The following TARS2 variants were observed in gnomAD, a reference collection of about 807,000 sequenced individuals.
TARS2 encodes the protein threonyl-tRNA synthetase 2, mitochondrial, also known as threonine--tRNA ligase, mitochondrial.
Under a neutral mutation model 94.4 loss-of-function variants are expected in TARS2, and 61 were observed. The ratio of observed to expected loss-of-function variants is 0.65; its 90% CI spans 0.53 to 0.80. The LOEUF (loss-of-function observed/expected upper bound fraction) is 0.80, where lower values mean the gene tolerates loss of function less well. Ranked by LOEUF, TARS2 falls within the 30% of genes least tolerant of loss-of-function variation. TARS2 has a pLI of 0.00. For missense variants in TARS2, 704 were observed against 902.5 expected (o/e 0.78, Z 2.82); for synonymous variants, 359 against 353.4 (o/e 1.02, Z -0.18).
At chr1:150,492,655 C>T (rs1196592065) in intron 7 of TARS2, among the ~76,000 whole-genome samples, 166 bp downstream of exon 7, 1 of 151,414 alleles carries the variant, frequency 6.6e-6, no homozygotes, top group Non-Finnish European at 1.5e-5. Context: ...ACTAAAAATA[C>T]AAAAATTAGC....
rs969258498 is a variant in TARS2 at position 150,499,313 on chromosome 1, T to A, written c.1617+20T>A. The A allele has an allele frequency of 6.2e-7, 1 of 1,606,046 alleles. No homozygotes were observed. Among genetic ancestry groups the A allele is most frequent in the African/African-American group, 1.3e-5 (1 of 74,174 alleles). The stretch of plus-strand genomic sequence containing the variant: ...CCTAAGGTAAGCTTGGGACCCTGGT[T>A]AGTGTTGTATTTATTTATTTTTTGC... On this transcript the variant is annotated intron_variant, in intron 13 of 17. Coordinates refer to ENST00000369064, the MANE Select transcript of TARS2 (RefSeq NM_025150.5).
intron 13 of TARS2, among the ~76,000 whole-genome samples, chr1:150,503,532 A>G (rs192763469): frequency 8.2e-4 from 122 of 149,690 alleles, no homozygotes; most frequent in Non-Finnish European, 1.2e-3. Context: ...TACTGAAAAA[A>G]AAAAATACAC....
chr1:150,501,331 T>A lies in TARS2; in HGVS notation c.1617+2038T>A, dbSNP rs1313043699. 4.6e-5 allele frequency among the ~76,000 whole-genome samples: 5 copies of A among 107,558 alleles called. No homozygotes were observed. In the East Asian group the frequency reaches 1.2e-3, roughly 25 times the overall value. 70.6% of individuals were successfully genotyped at this position (107,558 alleles called of 152,430 possible). A position where few individuals can be genotyped will look rare whatever the true frequency, so the allele number is the denominator to read the frequency against. The stretch of plus-strand genomic sequence containing the variant: ...TTTTTTTTTTTTTTTTTTTTTTTTT[T>A]TATTGAGACTATGTCTCGCTCTGCT... On this transcript the variant is annotated intron_variant, in intron 13 of 17. Transcript: ENST00000369064.
At position 150,496,861 on chromosome 1, in the gene TARS2, C is replaced by T; in HGVS notation, c.973C>T (p.Leu325=). ...ACTGAGCCCTGGGAGCTGCTTCTTC[C>T]TGCCACGAGGGACAAGGGTGTATAA... is the stretch of plus-strand genomic sequence containing the variant. ...HELSPGSCFF[L]PRGTRVYNAL... Residue 325 remains leucine (L), a synonymous_variant, in exon 9 of 18, where the codon CTG becomes TTG. Transcript: ENST00000369064. The T allele has an allele frequency of 1.2e-6, 2 of 1,614,116 alleles. No homozygotes were observed.
rs587625289 is a variant in TARS2, at chr1:150,497,862, C to T, written c.1238+115C>T. ...ATCCCAACACTTTGGGAGGCCGAGG[C>T]GGGCGGATCACCTGAGGTCGGGAGT... On this transcript the variant is annotated intron_variant, in intron 10 of 17. Coordinates refer to ENST00000369064, the MANE Select transcript of TARS2 (RefSeq NM_025150.5). The T allele has an allele frequency of 6.1e-4, 649 of 1,072,098 alleles. 7 individuals are homozygous for T. The East Asian group carries it at 0.016, about 27-fold the overall frequency. The allele number at this position is 1,072,098 out of a possible 1,614,324, so 66.4% of individuals were successfully genotyped here. A position where few individuals can be genotyped will look rare whatever the true frequency, so the allele number is the denominator to read the frequency against.
At chr1:150,492,533 C>G in intron 7 of TARS2, 44 bp downstream of exon 7, 1 of 1,599,044 alleles carries the variant, frequency 6.3e-7, no homozygotes, top group Non-Finnish European at 8.6e-7. Flanking sequence ...TATTTTGAGC[C>G]GGGCATGGTG....
intron 3 of TARS2, among the ~76,000 whole-genome samples, chr1:150,490,322 T>G (rs1669326506): frequency 6.6e-6 from 1 of 151,986 alleles, no homozygotes; most frequent in Non-Finnish European, 1.5e-5. Flanking sequence ...TTTCACCATG[T>G]TGGCCAGACT....
rs1200899750 is a variant in TARS2, at chr1:150,492,358, A to C, written c.696-53A>C. On this transcript the variant is annotated intron_variant, in intron 6 of 17. Transcript: ENST00000369064. Reference sequence around the variant, plus strand: ...CAGCTAAAGACCATGAGAGGGAGAAAGCTAGAAGCTGAAGATTCTGAAAAT... The same window carrying C: ...CAGCTAAAGACCATGAGAGGGAGAACGCTAGAAGCTGAAGATTCTGAAAAT... The C allele has an allele frequency of 1.3e-5, 20 of 1,572,258 alleles. No homozygotes were observed. In the South Asian group the frequency reaches 1.3e-4, roughly 10 times the overall value.
chr1:150,490,783 AG>A, intron 4 of TARS2, 58 bp downstream of exon 4: 1 of 1,609,242 alleles, frequency 6.2e-7, no homozygotes, highest in South Asian at 1.1e-5. Context: ...GGCTCTTTTC[AG>A]GGGCCTTGGG....
chr1:150,503,609 G>GTA (rs748011030), intron 13 of TARS2, among the ~76,000 whole-genome samples: 14 of 131,326 alleles, frequency 1.1e-4, no homozygotes, highest in African/African-American at 1.6e-4. Flanking sequence ...GTGTATGTGT[G>GTA]TATATATATG....
At chr1:150,505,525 A>G (rs1670162639) in intron 16 of TARS2, 66 bp from the exon 17 acceptor site, 9 of 1,393,894 alleles carry the variant, frequency 6.5e-6, no homozygotes, top group Non-Finnish European at 8.2e-6. Flanking sequence ...GGAAAAGAGC[A>G]TCAGACTGTT....
intron 3 of TARS2, chr1:150,489,366 T>G: frequency 4.9e-6 from 2 of 410,754 alleles, no homozygotes; most frequent in South Asian, 4.2e-5. Flanking sequence ...CCCTCAACTC[T>G]TGAGCACGTA....
rs1271879212 is a variant in TARS2, at chr1:150,488,026, A to G, written c.235A>G (p.Thr79Ala). The G allele has an allele frequency of 1.9e-6, 3 of 1,613,600 alleles. No individual in the cohort carries two copies. Among genetic ancestry groups the G allele is most frequent in the Non-Finnish European group, 2.5e-6 (3 of 1,179,930 alleles). ...AATTGATGCTGTGGCATGGAACACA[A>G]CCCCCTACCAACTAGCCCGGCAGAT... is the stretch of plus-strand genomic sequence containing the variant. ...QKIDAVAWNT[T>A]PYQLARQISS... Residue 79 changes from threonine to alanine, a missense_variant, in exon 2 of 18, where the codon ACC becomes GCC. By Grantham distance (58) the Thr-to-Ala change is moderately conservative (BLOSUM62 0). This residue lies in a region of TARS2 where 208 missense variants were observed against 228.5 expected (regional missense o/e 0.91). Transcript: ENST00000369064.
Position 150,491,413 on chromosome 1 carries a change from C to T in TARS2, c.532C>T (p.Leu178=), listed in dbSNP as rs760883698. ...GKERTIRGSE[L]PVLERICQEL... is the part of the protein sequence containing the mutation. ...TTCCAGGACAATCCGGGGCTCAGAG[C>T]TGCCTGTTTTGGAGCGGATTTGCCA... The change falls in exon 5 of 18, where the codon CTG becomes TTG. Residue 178 remains leucine, a synonymous_variant. Transcript: ENST00000369064. The T allele has an allele frequency of 6.2e-7, 1 of 1,613,158 alleles. No homozygotes were observed. The highest frequency in any genetic ancestry group is 1.1e-5 in the South Asian group (1 of 91,034).
intron 3 of TARS2, 50 bp from the exon 4 acceptor site, chr1:150,490,551 G>T (rs930382887): frequency 1.9e-6 from 3 of 1,596,290 alleles, no homozygotes; most frequent in Non-Finnish European, 2.6e-6. Flanking sequence ...GAGATCTAGG[G>T]GTTAAGGGAG....
chr1:150,497,513 T>C lies in TARS2; in HGVS notation c.1021-17T>C, dbSNP rs751018732. 1.2e-6 allele frequency: 2 copies of C among 1,612,664 alleles called. No individual in the cohort carries two copies. The highest frequency in any genetic ancestry group is 1.8e-4 in the Middle Eastern group (1 of 5,512). On this transcript the variant is annotated splice_polypyrimidine_tract_variant and intron_variant, in intron 9 of 17. Transcript: ENST00000369064. ...TCCAGTTACTCTGACCTTCCATGTCTGTACCCTCCTCTCCAGGCTGAGTAT... is the reference window on the plus strand; with the variant it reads ...TCCAGTTACTCTGACCTTCCATGTCCGTACCCTCCTCTCCAGGCTGAGTAT...
Position 150,504,365 on chromosome 1 carries a change from C to T in TARS2, c.1648C>T (p.Arg550Trp), listed in dbSNP as rs749517234. 2.5e-6 allele frequency: 4 copies of T among 1,614,024 alleles called. No homozygotes were observed. Among genetic ancestry groups the T allele is most frequent in the East Asian group, 2.2e-5 (1 of 44,876 alleles). ...IDVHLHDALG[R>W]PHQCGTIQLD... ...CGTGCACCTCCACGATGCCCTGGGC[C>T]GGCCACATCAGTGTGGGACAATTCA... The change falls in exon 14 of 18, where the codon CGG becomes TGG. Residue 550 changes from arginine (R) to tryptophan (W), a missense_variant. Around this residue, in one of 3 missense-constraint regions of TARS2, gnomAD observed 466 missense variants for 609.5 expected, o/e 0.76. Coordinates refer to ENST00000369064, the MANE Select transcript of TARS2 (RefSeq NM_025150.5).
At chr1:150,506,486 G>GCACACACACA (rs10581752) in intron 17 of TARS2, among the ~76,000 whole-genome samples, 25 of 123,784 alleles carry the variant, frequency 2.0e-4, no homozygotes, top group African/African-American at 6.5e-4. Flanking sequence ...ACACGCGCGC[G>GCACACACACA]CACACACACA....
At position 150,497,812 on chromosome 1, in the gene TARS2, C is replaced by T. The variant is rs1003715561; in HGVS notation, c.1238+65C>T. 7.3e-6 allele frequency: 11 copies of T among 1,508,496 alleles called. No homozygotes were observed. The South Asian group carries it at 1.4e-4, about 19-fold the overall frequency. 93.4% of individuals were successfully genotyped at this position (1,508,496 alleles called of 1,614,324 possible). ...TTAAATAATAGAAAGCACCTTGGGGCCGGGCACGGTGGCTCACGCCTGTAA... is the reference window on the plus strand; with the variant it reads ...TTAAATAATAGAAAGCACCTTGGGGTCGGGCACGGTGGCTCACGCCTGTAA... On this transcript the variant is annotated intron_variant, in intron 10 of 17. Coordinates refer to ENST00000369064, the MANE Select transcript of TARS2 (RefSeq NM_025150.5).
Sources: gnomAD v4.1 joint callset for allele counts (sites outside exome capture counted in the v4.1 genomes callset) on GRCh38, gnomAD v4.1.1 for gene constraint, gnomAD v4.1.1 regional missense constraint, MANE v1.5 for transcripts, NCBI Gene and HGNC (gene_info 2026-07-23, HGNC 2026-07-21) for gene names.